ZNF557: variants seen among roughly 807,000 people sequenced by gnomAD.
The protein encoded by ZNF557 is zinc finger protein 557.
A neutral mutation model predicts 21.2 loss-of-function variants in ZNF557; 19 were observed. The observed-to-expected ratio is 0.90, with a 90% CI of 0.63 to 1.32. The LOEUF is 1.32. Ranked by LOEUF, ZNF557 falls within the 40% of genes most tolerant of loss-of-function variation. The pLI is 0.00. For missense variants in ZNF557, 487 were observed against 519.8 expected (o/e 0.94, Z 0.61); for synonymous variants, 207 against 194.8 (o/e 1.06, Z -0.52).
At chr19:7,081,300 A>G in intron 5 of ZNF557, 60 bp from the exon 6 acceptor site, 1 of 1,172,318 alleles carries the variant, frequency 8.5e-7, no homozygotes, top group Non-Finnish European at 1.3e-6. Context: ...TTTCAGTTTC[A>G]TGGGAGAGCT....
chr19:7,082,963 G>A lies in ZNF557; in HGVS notation c.512G>A (p.Arg171Lys). The A allele has an allele frequency of 6.2e-7, 1 of 1,614,124 alleles. No individual in the cohort carries two copies. Among genetic ancestry groups the A allele is most frequent in the Non-Finnish European group, 8.5e-7 (1 of 1,179,998 alleles). Residue 171 changes from arginine to lysine, a missense_variant, in exon 8 of 8, where the codon AGG (arginine) becomes AAG (lysine). Physicochemically the swap from Arg to Lys is conservative, Grantham distance 26. Coordinates refer to ENST00000252840, the MANE Select transcript of ZNF557 (RefSeq NM_024341.3). ...FSTKSSLTRH[R>K]KIHTGERPYG... ...ACAAAATCTTCCCTTACACGGCACA[G>A]GAAGATTCATACTGGAGAAAGACCC...
chr19:7,083,277 C>A lies in ZNF557; in HGVS notation c.826C>A (p.Gln276Lys). The A allele has an allele frequency of 6.2e-7, 1 of 1,614,188 alleles. No homozygotes were observed. The highest frequency in any genetic ancestry group is 8.5e-7 in the Non-Finnish European group (1 of 1,180,032). ...CCAGTGTTTTCGTGAGTTCCGCACT[C>A]AGTCAATCTTCACAAGGCACAAGAG... ...CNQCFREFRT[Q>K]SIFTRHKRVH... The change falls in exon 8 of 8, where the codon CAG becomes AAG. Residue 276 changes from glutamine to lysine, a missense_variant. Transcript: ENST00000252840.
At chr19:7,077,304 T>G (rs1382081494) in intron 5 of ZNF557, among the ~76,000 whole-genome samples, 1 of 151,700 alleles carries the variant, frequency 6.6e-6, no homozygotes, top group South Asian at 2.1e-4. Flanking sequence ...CTCAGCAAAT[T>G]TTTGTGTTTT....
chr19:7,081,274 T>C (rs1198605229), intron 5 of ZNF557, 86 bp from the exon 6 acceptor site: 9 of 843,748 alleles, frequency 1.1e-5, no homozygotes, highest in Non-Finnish European at 1.6e-5. Context: ...TCACACCTCT[T>C]CACCTTCAGA....
In ZNF557 at chr19:7,075,849, C is replaced by T. The variant is rs1033357697; in HGVS notation, c.120+106C>T. 3.7e-5 allele frequency: 56 copies of T among 1,527,592 alleles called. No homozygotes were observed. In the Admixed American group the frequency reaches 6.5e-4, roughly 18 times the overall value. 94.6% of individuals were successfully genotyped at this position (1,527,592 alleles called of 1,614,324 possible). A position where few individuals can be genotyped will look rare whatever the true frequency, so the allele number is the denominator to read the frequency against. On this transcript the variant is annotated intron_variant, in intron 4 of 7. Transcript: ENST00000252840. ...CCCACGGCCAAACTTGTTCCTCAGG[C>T]ATCCCAGGGTCTCTGAGTGAGGGCT...
chr19:7,075,415 C>T (rs893238386), intron 3 of ZNF557, among the ~76,000 whole-genome samples: 1 of 152,172 alleles, frequency 6.6e-6, no homozygotes, highest in African/African-American at 2.4e-5. Flanking sequence ...TGGGAATAAT[C>T]CCTTCCCCAA....
At chr19:7,079,525 C>A (rs1220006499) in intron 5 of ZNF557, among the ~76,000 whole-genome samples, 2 of 152,110 alleles carry the variant, frequency 1.3e-5, no homozygotes, top group Non-Finnish European at 2.9e-5. Flanking sequence ...CAGCCATGAG[C>A]CACCGCGCCC....
chr19:7,081,150 GGTGTGT>G (rs531191945), intron 5 of ZNF557, among the ~76,000 whole-genome samples: 7,089 of 138,966 alleles, frequency 0.051, 179 homozygotes, highest in South Asian at 0.077. Flanking sequence ...TTGCTTGTGG[GGTGTGT>G]GTGTGTGTGT....
intron 2 of ZNF557, among the ~76,000 whole-genome samples, chr19:7,074,168 TTTTTTA>T (rs1319862093): frequency 6.6e-6 from 1 of 151,914 alleles, no homozygotes; most frequent in Non-Finnish European, 1.5e-5. Flanking sequence ...GCCCAGCTAA[TTTTTTA>T]TTTTTATTTT....
chr19:7,073,157 G>GTC (rs1977500239), intron 2 of ZNF557, among the ~76,000 whole-genome samples: 1 of 136,072 alleles, frequency 7.3e-6, no homozygotes, highest in Non-Finnish European at 1.5e-5. Context: ...GGTTTTTTTT[G>GTC]TTTTTTTTTT....
rs1243944973 is a variant in ZNF557 at position 7,069,744 on chromosome 19, T to A, written c.-201T>A. 6.6e-6 allele frequency: 1 copy of A among 152,258 alleles called. No individual in the cohort carries two copies. The highest frequency in any genetic ancestry group is 1.5e-5 in the Non-Finnish European group (1 of 68,052). The allele number at this position is 152,258 out of a possible 1,614,324, so 9.4% of individuals were successfully genotyped here. A position where few individuals can be genotyped will look rare whatever the true frequency, so the allele number is the denominator to read the frequency against. ...CGCGCTTGCAGCGTCTGGGAGAATC[T>A]TTCGGTCTCCGCGAGAGGTGCTTCA... is the stretch of plus-strand genomic sequence containing the variant. On this transcript the variant is annotated 5_prime_UTR_variant, in exon 1 of 8. Transcript: ENST00000252840.
At position 7,087,649 on chromosome 19, in the gene ZNF557, C is replaced by T. The variant is rs1264072570; in HGVS notation, c.*3905C>T. The T allele has an allele frequency of 6.6e-6, 1 of 151,818 alleles. No individual in the cohort carries two copies. The highest frequency in any genetic ancestry group is 6.6e-5 in the Admixed American group (1 of 15,216). The allele number at this position is 151,818 out of a possible 1,614,324, so 9.4% of individuals were successfully genotyped here. A position where few individuals can be genotyped will look rare whatever the true frequency, so the allele number is the denominator to read the frequency against. ...GTTCTGCATATTACTAGACTTCTTA[C>T]ATGATCACAAGTAACCACTAATTGG... On this transcript the variant is annotated 3_prime_UTR_variant, in exon 8 of 8. Transcript: ENST00000252840.
In ZNF557 at chr19:7,073,153, T is replaced by G. The variant is rs1315275119; in HGVS notation, c.-79-1843T>G. Reference sequence around the variant, plus strand: ...TACAGATATTTGTTTTTTTGGTTTTTTTTGTTTTTTTTTTTTTGAGATGGA... The same window carrying G: ...TACAGATATTTGTTTTTTTGGTTTTGTTTGTTTTTTTTTTTTTGAGATGGA... On this transcript the variant is annotated intron_variant, in intron 2 of 7. Transcript: ENST00000252840. Among the ~76,000 whole-genome samples the G allele has an allele frequency of 3.6e-4, 18 of 50,348 alleles. No individual in the cohort carries two copies. The East Asian group carries it at 6.1e-3, about 17-fold the overall frequency. The allele number at this position is 50,348 out of a possible 152,430, so 33.0% of individuals were successfully genotyped here.
chr19:7,079,896 C>T (rs1271101312), intron 5 of ZNF557, among the ~76,000 whole-genome samples: 1 of 152,166 alleles, frequency 6.6e-6, no homozygotes, highest in Non-Finnish European at 1.5e-5. Context: ...CTGACTTAGC[C>T]TTCAGTTCCT....
intron 5 of ZNF557, among the ~76,000 whole-genome samples, chr19:7,076,986 G>C (rs1977596920): frequency 6.6e-6 from 1 of 152,060 alleles, no homozygotes; most frequent in Admixed American, 6.6e-5. Flanking sequence ...GGGCTCAGGT[G>C]ATCCTCCTGC....
chr19:7,076,342 GTGGTCCT>G (rs761745150), intron 4 of ZNF557, 32 bp from the exon 5 acceptor site: 10 of 1,613,992 alleles, frequency 6.2e-6, no homozygotes, highest in Admixed American at 5.0e-5. Context: ...ATTGGTGGGG[GTGGTCCT>G]TGGCTAAGCC....
chr19:7,083,313 G>C lies in ZNF557; in HGVS notation c.862G>C (p.Gly288Arg). Residue 288 changes from glycine (G) to arginine (R), a missense_variant, in exon 8 of 8, where the codon GGG becomes CGG. Gly to Arg is a moderately radical substitution (Grantham distance 125, BLOSUM62 -2). Transcript: ENST00000252840. The part of the protein sequence containing the change: ...IFTRHKRVHT[G>R]EGHYVCNQCG... ...CACAAGGCACAAGAGAGTTCATACG[G>C]GGGAGGGTCATTATGTATGTAATCA... is the stretch of plus-strand genomic sequence containing the variant. 1.2e-6 allele frequency: 2 copies of C among 1,614,186 alleles called. No individual in the cohort carries two copies. The highest frequency in any genetic ancestry group is 1.7e-6 in the Non-Finnish European group (2 of 1,180,034).
In ZNF557 at chr19:7,075,725, C is replaced by G; in HGVS notation, c.102C>G (p.Leu34=). The G allele has an allele frequency of 1.2e-6, 2 of 1,613,448 alleles. No homozygotes were observed. The highest frequency in any genetic ancestry group is 1.7e-6 in the Non-Finnish European group (2 of 1,179,538). Reference sequence around the variant, plus strand: ...AGGGCGGAGAGCTGGTTAATGAGCTCCTGAAAAGCTGGCTAAAGGTGAGTC... The same window carrying G: ...AGGGCGGAGAGCTGGTTAATGAGCTGCTGAAAAGCTGGCTAAAGGTGAGTC... ...HTEGGELVNE[L]LKSWLKGLVT... is the part of the protein sequence containing the mutation. Residue 34 remains leucine, a synonymous_variant, in exon 4 of 8, where the codon CTC becomes CTG. Coordinates refer to ENST00000252840, the MANE Select transcript of ZNF557 (RefSeq NM_024341.3).
intron 1 of ZNF557, among the ~76,000 whole-genome samples, 189 bp downstream of exon 1, chr19:7,069,962 G>T (rs770302027): frequency 3.9e-5 from 6 of 152,240 alleles, no homozygotes; most frequent in Non-Finnish European, 8.8e-5. Flanking sequence ...CACCCGGGGC[G>T]ATTCTGCGCC....
Sources: allele counts gnomAD v4.1 joint callset (sites outside exome capture counted in the v4.1 genomes callset), GRCh38; gene constraint gnomAD v4.1.1; transcripts MANE v1.5; gene names NCBI Gene and HGNC (gene_info 2026-07-23, HGNC 2026-07-21).